Variants in FAM124A observed in about 807,000 individuals in gnomAD.
FAM124A encodes family with sequence similarity 124 member A.
A neutral mutation model predicts 24.5 loss-of-function variants in FAM124A; 23 were observed. The ratio of observed to expected loss-of-function variants is 0.94; its 90% CI spans 0.68 to 1.33. The LOEUF (loss-of-function observed/expected upper bound fraction) is 1.33, where lower values mean the gene tolerates loss of function less well. Ranked by LOEUF, FAM124A falls within the 40% of genes most tolerant of loss-of-function variation. The pLI is 0.00. For synonymous variants in FAM124A, 287 were observed against 314.7 expected (o/e 0.91, Z 0.93); for missense variants, 623 against 722.8 (o/e 0.86, Z 1.58).
chr13:51,252,329 T>G, intron 3 of FAM124A, 128 bp downstream of exon 3: 1 of 1,333,174 alleles, frequency 7.5e-7, no homozygotes, highest in East Asian at 2.5e-5. Flanking sequence ...TCTGCCCAGC[T>G]CCTAGTCGAA....
At chr13:51,256,379 A>C (rs551666752) in intron 3 of FAM124A, among the ~76,000 whole-genome samples, 1 of 152,348 alleles carries the variant, frequency 6.6e-6, no homozygotes, top group East Asian at 1.9e-4. Flanking sequence ...TAGAAAGAGA[A>C]AAGAGCTGCA....
intron 3 of FAM124A, among the ~76,000 whole-genome samples, chr13:51,253,954 A>C (rs1348552332): frequency 6.6e-6 from 1 of 152,194 alleles, no homozygotes; most frequent in African/African-American, 2.4e-5. Context: ...TCTCCCCCCA[A>C]GATTCTTGGT....
chr13:51,246,494 C>T (rs1237832820), intron 2 of FAM124A, among the ~76,000 whole-genome samples: 2 of 150,582 alleles, frequency 1.3e-5, no homozygotes, highest in African/African-American at 2.4e-5. Flanking sequence ...GCAGCGGGTA[C>T]GTGCTAGTGA....
At position 51,280,735 on chromosome 13, in the gene FAM124A, GCCT is replaced by G; in HGVS notation, c.1125_1127del (p.Ser376del). ...TTTGCCCACGGGAGGCCCCTCCCTG[GCCT>G]CCTCAGCTGAACCACAGTGGTTTTC... On this transcript the variant is annotated inframe_deletion, in exon 4 of 4. Coordinates refer to ENST00000322475, the MANE Select transcript of FAM124A (RefSeq NM_001242312.2). 1 of 1,614,156 alleles carries G rather than the reference GCCT, an allele frequency of 6.2e-7. No homozygotes were observed. Among genetic ancestry groups the G allele is most frequent in the Non-Finnish European group, 8.5e-7 (1 of 1,180,026 alleles).
intron 2 of FAM124A, among the ~76,000 whole-genome samples, chr13:51,245,631 G>A (rs1246038406): frequency 2.0e-5 from 3 of 152,192 alleles, no homozygotes; most frequent in African/African-American, 7.2e-5. Context: ...TGTATCACGA[G>A]GATTGTGCCC....
intron 3 of FAM124A, among the ~76,000 whole-genome samples, chr13:51,254,656 T>C (rs1224888226): frequency 2.0e-5 from 3 of 152,148 alleles, no homozygotes; most frequent in African/African-American, 7.2e-5. Context: ...AGCAAACATG[T>C]TCCCAGTTCT....
chr13:51,246,048 A>G (rs1954554038), intron 2 of FAM124A, among the ~76,000 whole-genome samples: 1 of 152,206 alleles, frequency 6.6e-6, no homozygotes, highest in Non-Finnish European at 1.5e-5. Flanking sequence ...CTAATTGTCT[A>G]TAATCAAATG....
chr13:51,259,676 C>T (rs1008060751), intron 3 of FAM124A, among the ~76,000 whole-genome samples: 1 of 152,166 alleles, frequency 6.6e-6, no homozygotes, highest in African/African-American at 2.4e-5. Flanking sequence ...CCCAGCCCGT[C>T]CCCTTCACCT....
chr13:51,243,197 T>G (rs1043394205), intron 2 of FAM124A, among the ~76,000 whole-genome samples: 2 of 152,210 alleles, frequency 1.3e-5, no homozygotes, highest in Admixed American at 6.5e-5. Context: ...CAACAGGCCT[T>G]GTCAAAATTA....
In FAM124A at chr13:51,251,670, G is replaced by T. The variant is rs557652911; in HGVS notation, c.303G>T (p.Leu101=). The T allele has an allele frequency of 4.4e-6, 7 of 1,587,000 alleles. No homozygotes were observed. The South Asian group carries it at 6.8e-5, about 15-fold the overall frequency. ...CCCCCAAGGGCGCTCAGCCAGCGCTGGCTGTGGTGCTGTTCCTGCAGGAGG... is the reference window on the plus strand; with the variant it reads ...CCCCCAAGGGCGCTCAGCCAGCGCTTGCTGTGGTGCTGTTCCTGCAGGAGG... ...RKPPKGAQPA[L]AVVLFLQEEY... Residue 101 remains leucine, a synonymous_variant, in exon 3 of 4, where the codon CTG becomes CTT. Coordinates refer to ENST00000322475, the MANE Select transcript of FAM124A (RefSeq NM_001242312.2). This position sits in a 1 kb window ranked among gnomAD's most constrained non-coding sequence, Gnocchi z 5.3.
chr13:51,224,131 G>A (rs928065645), intron 1 of FAM124A, among the ~76,000 whole-genome samples: 6 of 152,218 alleles, frequency 3.9e-5, no homozygotes, highest in Non-Finnish European at 8.8e-5. Context: ...TCTGTTCTCA[G>A]CCTCTGTCAC....
intron 2 of FAM124A, among the ~76,000 whole-genome samples, chr13:51,240,449 T>G (rs1223720279): frequency 6.6e-6 from 1 of 152,212 alleles, no homozygotes; most frequent in East Asian, 1.9e-4. Context: ...GTAACAACAG[T>G]AGTTGCAAGA....
chr13:51,277,754 A>C (rs1954897787), intron 3 of FAM124A, among the ~76,000 whole-genome samples: 1 of 140,856 alleles, frequency 7.1e-6, no homozygotes, highest in African/African-American at 2.9e-5. Flanking sequence ...AGATCGCGCC[A>C]CTGCACTCCA....
At chr13:51,226,518 G>A (rs1439052450) in intron 1 of FAM124A, among the ~76,000 whole-genome samples, 1 of 152,126 alleles carries the variant, frequency 6.6e-6, no homozygotes, top group African/African-American at 2.4e-5. Context: ...GTTGAAATTT[G>A]CAATTACGTA....
In FAM124A at chr13:51,272,306, C is replaced by G. The variant is rs1954846514; in HGVS notation, c.835-8144C>G. On this transcript the variant is annotated intron_variant, in intron 3 of 3. Coordinates refer to ENST00000322475, the MANE Select transcript of FAM124A (RefSeq NM_001242312.2). This position sits in a 1 kb window ranked among gnomAD's most constrained non-coding sequence, Gnocchi z 4.2. Reference sequence around the variant, plus strand: ...AATCAAGAGTCCCCAAACCACACTCCCCTCCTGCCCGCACTGATTGTCTCT... The same window carrying G: ...AATCAAGAGTCCCCAAACCACACTCGCCTCCTGCCCGCACTGATTGTCTCT... Among the ~76,000 whole-genome samples, 1 of 152,126 alleles carries G rather than the reference C, an allele frequency of 6.6e-6. No individual in the cohort carries two copies.
chr13:51,282,669 CA>C lies in FAM124A; in HGVS notation c.*1414del, dbSNP rs1226070923. On this transcript the variant is annotated 3_prime_UTR_variant, in exon 4 of 4. Coordinates refer to ENST00000322475, the MANE Select transcript of FAM124A (RefSeq NM_001242312.2). ...TTCATCTCTCTGGAAATGCCCACGC[CA>C]GCCCAGACACAGCCTCAGAGTCCTT... 6.6e-6 allele frequency: 1 copy of C among 152,156 alleles called. No individual in the cohort carries two copies. Among genetic ancestry groups the C allele is most frequent in the African/African-American group, 2.4e-5 (1 of 41,414 alleles). 9.4% of individuals were successfully genotyped at this position (152,156 alleles called of 1,614,324 possible). A position where few individuals can be genotyped will look rare whatever the true frequency, so the allele number is the denominator to read the frequency against.
intron 2 of FAM124A, among the ~76,000 whole-genome samples, chr13:51,231,799 T>C (rs1416712355): frequency 6.6e-6 from 1 of 152,240 alleles, no homozygotes; most frequent in Non-Finnish European, 1.5e-5. Flanking sequence ...CAGGCAAATA[T>C]CCTTCCCTCT....
Position 51,280,533 on chromosome 13 carries a change from G to A in FAM124A, c.918G>A (p.Pro306=), listed in dbSNP as rs200609715. Residue 306 remains proline, a synonymous_variant, in exon 4 of 4, where the codon CCG becomes CCA. Coordinates refer to ENST00000322475, the MANE Select transcript of FAM124A (RefSeq NM_001242312.2). ...SEKKRHSTPL[P]STAVPSHTPG... Reference sequence around the variant, plus strand: ...AGAAACGTCATTCCACTCCTTTGCCGAGCACTGCTGTACCAAGCCATACAC... The same window carrying A: ...AGAAACGTCATTCCACTCCTTTGCCAAGCACTGCTGTACCAAGCCATACAC... The A allele has an allele frequency of 6.2e-6, 10 of 1,613,702 alleles. No individual in the cohort carries two copies. Among genetic ancestry groups the A allele is most frequent in the East Asian group, 4.5e-5 (2 of 44,878 alleles).
intron 2 of FAM124A, among the ~76,000 whole-genome samples, chr13:51,245,127 C>T (rs1439743424): frequency 6.6e-6 from 1 of 152,170 alleles, no homozygotes; most frequent in African/African-American, 2.4e-5. Context: ...TGGTCTGCCA[C>T]AAAATACTTA....
Sources: gnomAD v4.1 joint callset for allele counts (sites outside exome capture counted in the v4.1 genomes callset) on GRCh38, gnomAD v4.1.1 for gene constraint, Gnocchi (gnomAD v3.1) non-coding constraint, MANE v1.5 for transcripts, NCBI Gene and HGNC (gene_info 2026-07-23, HGNC 2026-07-21) for gene names.